Variants in FAAP20 observed in about 807,000 individuals in gnomAD.
The protein encoded by FAAP20 is Fanconi anemia core complex-associated protein 20.
In FAAP20, 12 loss-of-function variants were observed where a neutral mutation model predicts 16.2. That is an observed-to-expected ratio of 0.74 (90% confidence interval 0.48 to 1.20). FAAP20 has a LOEUF of 1.20. Ranked by LOEUF, FAAP20 falls within the 50% of genes most tolerant of loss-of-function variation. The pLI, the probability that FAAP20 is intolerant of heterozygous loss-of-function variation, is 0.00. For synonymous variants in FAAP20, 141 were observed against 110.7 expected (o/e 1.27, Z -1.72); for missense variants, 288 against 245.8 (o/e 1.17, Z -1.15).
At chr1:2,186,628 A>T (rs1687637710), downstream of FAAP20, among the ~76,000 whole-genome samples, 1 of 152,036 alleles carries the variant, frequency 6.6e-6, no homozygotes, top group South Asian at 2.1e-4. Flanking sequence ...CCAGGAGCCG[A>T]CCTGGGTCTC....
intron 3 of FAAP20, chr1:2,190,412 G>T (rs896739185): frequency 2.2e-6 from 1 of 447,944 alleles, no homozygotes; most frequent in African/African-American, 2.0e-5. Context: ...AAACCCATCC[G>T]AGTCCTGCAG....
chr1:2,210,025 C>T (rs947630084), downstream of FAAP20, among the ~76,000 whole-genome samples: 40 of 152,290 alleles, frequency 2.6e-4, no homozygotes, highest in South Asian at 6.2e-4. Flanking sequence ...TGGAATGCAG[C>T]CTCAGGGTGG....
chr1:2,200,874 G>A, upstream of FAAP20: 2 of 1,082,942 alleles, frequency 1.8e-6, no homozygotes, highest in Non-Finnish European at 2.3e-6. Context: ...CAGGTGGAGA[G>A]GGTGGCTGGG....
At chr1:2,200,573 G>T, upstream of FAAP20, 1 of 949,182 alleles carries the variant, frequency 1.1e-6, no homozygotes, top group Non-Finnish European at 1.3e-6. Context: ...CACTGATTTT[G>T]GACACCAGCT....
At chr1:2,197,237 C>T (rs1688863132), upstream of FAAP20, among the ~76,000 whole-genome samples, 1 of 152,248 alleles carries the variant, frequency 6.6e-6, no homozygotes, top group African/African-American at 2.4e-5. Flanking sequence ...GACCCAGCCC[C>T]CACCCCTGGA....
chr1:2,194,137 G>A lies in FAAP20; in HGVS notation c.63-4C>T, dbSNP rs201635109. On this transcript the variant is annotated splice_region_variant and splice_polypyrimidine_tract_variant and intron_variant, in intron 1 of 3. Coordinates refer to ENST00000378546, the MANE Select transcript of FAAP20 (RefSeq NM_182533.4). ...CCAGGGGCGGCCGCCAGAAGGCCTG[G>A]GGCAGACAGAGAGGGCAGACAGGGG... 6.2e-7 allele frequency: 1 copy of A among 1,612,044 alleles called. No individual in the cohort carries two copies. The highest frequency in any genetic ancestry group is 2.2e-5 in the East Asian group (1 of 44,822).
upstream of FAAP20, chr1:2,194,780 A>AGCCCCGCCCCG: frequency 8.7e-7 from 1 of 1,148,272 alleles, no homozygotes; most frequent in Non-Finnish European, 1.1e-6. Context: ...AGTGAGCGCA[A>AGCCCCGCCCCG]GCCCCGCCCC....
rs1301822061 is a variant in FAAP20, at chr1:2,193,449, G to A, written c.470+190C>T. The A allele has an allele frequency of 2.0e-5, 17 of 866,798 alleles. No individual in the cohort carries two copies. In the Admixed American group the frequency reaches 5.4e-4, roughly 28 times the overall value. The allele number at this position is 866,798 out of a possible 1,614,324, so 53.7% of individuals were successfully genotyped here. On this transcript the variant is annotated intron_variant, in intron 3 of 3. Transcript: ENST00000378546. The stretch of plus-strand genomic sequence containing the variant: ...CTGCCCTGCCCACAGAGCACGGCAA[G>A]CAGGTGGACCCCAGACCCGTGACAG...
chr1:2,189,859 C>G, intron 3 of FAAP20, 78 bp from the exon 4 acceptor site: 1 of 1,132,416 alleles, frequency 8.8e-7, no homozygotes. Context: ...GACCTCCGGG[C>G]CCTCTCTGCT....
upstream of FAAP20, chr1:2,199,057 G>A (rs117392468): frequency 5.6e-4 from 685 of 1,228,388 alleles, 8 homozygotes; most frequent in East Asian, 0.024. The surrounding 1 kb of genome is among the most constrained non-coding windows in gnomAD (Gnocchi z 4.5). Context: ...CCTCAGTGGC[G>A]GGGTCATGGC....
At chr1:2,188,080 G>A (rs1687775454), downstream of FAAP20, among the ~76,000 whole-genome samples, 1 of 152,226 alleles carries the variant, frequency 6.6e-6, no homozygotes, top group Non-Finnish European at 1.5e-5. Context: ...ATGATTGAAA[G>A]GAAAATACAG....
intron 1 of FAAP20, 66 bp from the exon 2 acceptor site, chr1:2,194,199 G>A (rs1688598638): frequency 1.9e-6 from 3 of 1,583,672 alleles, no homozygotes; most frequent in East Asian, 2.3e-5. Context: ...GGGGAGACCC[G>A]GGAGGGCCTG....
At chr1:2,188,655 C>G (rs906970421), downstream of FAAP20, among the ~76,000 whole-genome samples, 1 of 152,218 alleles carries the variant, frequency 6.6e-6, no homozygotes, top group Non-Finnish European at 1.5e-5. Context: ...CACACGGTGG[C>G]AGGAGCCTTT....
At chr1:2,206,820 G>A (rs1436360902) in intron 1 of FAAP20, among the ~76,000 whole-genome samples, 1 of 141,964 alleles carries the variant, frequency 7.0e-6, no homozygotes, top group African/African-American at 2.6e-5. Flanking sequence ...GCAACGGAGC[G>A]AGACTGTCTC....
chr1:2,186,039 C>T (rs1166903473), downstream of FAAP20: 19 of 451,898 alleles, frequency 4.2e-5, no homozygotes, highest in Non-Finnish European at 7.6e-5. Context: ...AGAGCTGAGG[C>T]TTCCTAGAGG....
upstream of FAAP20, chr1:2,199,214 C>T (rs909038830): frequency 1.2e-5 from 14 of 1,166,016 alleles, no homozygotes; most frequent in South Asian, 1.3e-4. The surrounding 1 kb of genome is among the most constrained non-coding windows in gnomAD (Gnocchi z 4.5). Flanking sequence ...CAGGGCCAGC[C>T]GCCCTCTCTC....
In FAAP20 at chr1:2,189,975, G is replaced by A. The variant is rs868434950; in HGVS notation, c.471-194C>T. 5.6e-5 allele frequency: 35 copies of A among 630,540 alleles called. No individual in the cohort carries two copies. In the Middle Eastern group the frequency reaches 2.1e-3, roughly 39 times the overall value. 39.1% of individuals were successfully genotyped at this position (630,540 alleles called of 1,614,324 possible). ...TAACCGCCAGTGGTGTTTCCACACCGTGCCCGTGAGGAGGCCACGCCAGGC... is the reference window on the plus strand; with the variant it reads ...TAACCGCCAGTGGTGTTTCCACACCATGCCCGTGAGGAGGCCACGCCAGGC... On this transcript the variant is annotated intron_variant, in intron 3 of 3. Transcript: ENST00000378546.
At chr1:2,211,069 CAG>C (rs771023591), downstream of FAAP20, among the ~76,000 whole-genome samples, 3 of 152,156 alleles carry the variant, frequency 2.0e-5, no homozygotes, top group Non-Finnish European at 4.4e-5. Context: ...GACTCACTCT[CAG>C]GGGCTGGATG....
At chr1:2,198,110 G>A (rs1465892696), upstream of FAAP20, 14 of 1,291,048 alleles carry the variant, frequency 1.1e-5, no homozygotes, top group East Asian at 3.3e-4. Flanking sequence ...CCACTTCTTC[G>A]GAGCCATCTG....
Sources: gnomAD v4.1 joint callset for allele counts (sites outside exome capture counted in the v4.1 genomes callset) on GRCh38, gnomAD v4.1.1 for gene constraint, Gnocchi (gnomAD v3.1) non-coding constraint, MANE v1.5 for transcripts, NCBI Gene and HGNC (gene_info 2026-07-23, HGNC 2026-07-21) for gene names.